The following SLC49A4 variants were observed in gnomAD, a reference collection of about 807,000 sequenced individuals.
The protein encoded by SLC49A4 is solute carrier family 49 member 4.
SLC49A4 carries 36 observed loss-of-function variants against 50.6 expected under a neutral mutation model. The observed-to-expected ratio is 0.71, with a 90% CI of 0.55 to 0.94. SLC49A4 has a LOEUF of 0.94. SLC49A4 is among the 40% of genes least tolerant of loss of function. The pLI is 0.00. For missense variants in SLC49A4, 503 were observed against 605.7 expected (o/e 0.83, Z 1.78); for synonymous variants, 248 against 241.2 (o/e 1.03, Z -0.26).
chr3:122,826,682 T>C, intron 2 of SLC49A4, 118 bp from the exon 3 acceptor site: 1 of 1,007,938 alleles, frequency 9.9e-7, no homozygotes, highest in Non-Finnish European at 1.5e-6. Context: ...CATGTCATAT[T>C]CTTTACAGAT....
intron 5 of SLC49A4, among the ~76,000 whole-genome samples, chr3:122,853,010 C>T (rs1009450744): frequency 4.6e-5 from 7 of 152,162 alleles, no homozygotes; most frequent in African/African-American, 1.7e-4. Context: ...ACCTAGTGTA[C>T]GTGTCTTAGT....
At chr3:122,829,610 C>T (rs1400257457) in intron 3 of SLC49A4, among the ~76,000 whole-genome samples, 1 of 152,110 alleles carries the variant, frequency 6.6e-6, no homozygotes, top group African/African-American at 2.4e-5. Context: ...AATGGCCGGA[C>T]ATGATGGCAC....
chr3:122,849,057 CA>C (rs1936891655), intron 5 of SLC49A4, among the ~76,000 whole-genome samples: 1 of 152,130 alleles, frequency 6.6e-6, no homozygotes. Context: ...TGAGAACGTG[CA>C]ATGTTTGTCT....
At chr3:122,825,608 T>C (rs1366681890) in intron 2 of SLC49A4, among the ~76,000 whole-genome samples, 1 of 151,404 alleles carries the variant, frequency 6.6e-6, no homozygotes, top group Non-Finnish European at 1.5e-5. Flanking sequence ...TTCAGCAAAC[T>C]TTTCTAACTG....
chr3:122,870,487 G>T (rs1438654657), intron 7 of SLC49A4, among the ~76,000 whole-genome samples: 1 of 151,598 alleles, frequency 6.6e-6, no homozygotes, highest in African/African-American at 2.4e-5. Flanking sequence ...GGGATTACAG[G>T]CATGAGCCAT....
intron 4 of SLC49A4, among the ~76,000 whole-genome samples, chr3:122,840,252 T>C (rs1211461821): frequency 1.3e-5 from 2 of 152,122 alleles, no homozygotes; most frequent in Admixed American, 1.3e-4. Flanking sequence ...TGGTGGAGAC[T>C]GAAGGGTAAC....
rs150739248 is a variant in SLC49A4 at position 122,828,710 on chromosome 3, G to T, written c.703+1645G>T. On this transcript the variant is annotated intron_variant, in intron 3 of 8. Coordinates refer to ENST00000261038, the MANE Select transcript of SLC49A4 (RefSeq NM_032839.3). ...AGAAGGATTAAAACTGAAAGCAAGG[G>T]TAGCAGCAGTATATAAAGCATTTCA... is the stretch of plus-strand genomic sequence containing the variant. 5.8e-3 allele frequency among the ~76,000 whole-genome samples: 876 copies of T among 152,186 alleles called. 9 individuals carry two copies. Among genetic ancestry groups the T allele is most frequent in the Non-Finnish European group, 9.7e-3 (661 of 68,014 alleles).
intron 2 of SLC49A4, among the ~76,000 whole-genome samples, chr3:122,822,910 C>G (rs765707704): frequency 6.6e-6 from 1 of 152,134 alleles, no homozygotes; most frequent in East Asian, 1.9e-4. Flanking sequence ...TATCCACCCC[C>G]TCTCCTTGCC....
At chr3:122,828,401 G>C (rs1936564406) in intron 3 of SLC49A4, among the ~76,000 whole-genome samples, 1 of 152,176 alleles carries the variant, frequency 6.6e-6, no homozygotes, top group African/African-American at 2.4e-5. Context: ...TGAGGAATGA[G>C]AGAACGATGG....
intron 5 of SLC49A4, among the ~76,000 whole-genome samples, chr3:122,855,247 G>A (rs902332553): frequency 1.3e-5 from 2 of 152,190 alleles, no homozygotes; most frequent in East Asian, 1.9e-4. Flanking sequence ...GCAGGGACAC[G>A]GAATGCTTAG....
chr3:122,795,458 A>G lies in SLC49A4; in HGVS notation c.266A>G (p.Asp89Gly), dbSNP rs776825844. 14 of 1,606,958 alleles carry G rather than the reference A, an allele frequency of 8.7e-6. No homozygotes were observed. Among genetic ancestry groups the G allele is most frequent in the Non-Finnish European group, 1.1e-5 (13 of 1,179,068 alleles). The change falls in exon 1 of 9, where the codon GAC becomes GGC. Residue 89 changes from aspartate to glycine, a missense_variant. Asp to Gly is a moderately conservative substitution (Grantham distance 94, BLOSUM62 -1). Coordinates refer to ENST00000261038, the MANE Select transcript of SLC49A4 (RefSeq NM_032839.3). ...ARQAYGFSSW[D>G]IALLVLWGPI... ...CAGGCCTACGGCTTCTCCAGCTGGG[A>G]CATCGCGCTGCTCGTGCTGTGGGGG...
intron 5 of SLC49A4, among the ~76,000 whole-genome samples, chr3:122,849,387 T>C (rs1208752156): frequency 1.3e-5 from 2 of 152,228 alleles, no homozygotes; most frequent in African/African-American, 4.8e-5. Flanking sequence ...TTTTTCGTTT[T>C]CTACGGAACC....
chr3:122,861,461 T>C (rs1490294749), intron 7 of SLC49A4, among the ~76,000 whole-genome samples: 1 of 152,216 alleles, frequency 6.6e-6, no homozygotes, highest in African/African-American at 2.4e-5. Context: ...ATTATAGGAT[T>C]ATTTGGTAGA....
chr3:122,800,493 GGTTTT>G (rs1184267110), intron 1 of SLC49A4, among the ~76,000 whole-genome samples: 2 of 152,214 alleles, frequency 1.3e-5, no homozygotes, highest in Non-Finnish European at 2.9e-5. Flanking sequence ...AGGAGGTTTA[GGTTTT>G]GTTTTGTTTT....
intron 7 of SLC49A4, among the ~76,000 whole-genome samples, chr3:122,870,056 G>C (rs1937178201): frequency 6.6e-6 from 1 of 152,114 alleles, no homozygotes; most frequent in Non-Finnish European, 1.5e-5. Flanking sequence ...TAACCAGATT[G>C]TGATTATTTT....
intron 2 of SLC49A4, among the ~76,000 whole-genome samples, chr3:122,826,565 A>G (rs1399956277): frequency 2.0e-5 from 3 of 152,224 alleles, no homozygotes; most frequent in Non-Finnish European, 4.4e-5. Flanking sequence ...CATAGGTCAC[A>G]GTAAATATTT....
At chr3:122,868,559 C>T (rs182588968) in intron 7 of SLC49A4, among the ~76,000 whole-genome samples, 1 of 152,326 alleles carries the variant, frequency 6.6e-6, no homozygotes, top group East Asian at 1.9e-4. Flanking sequence ...ACTGAAAACT[C>T]AAATGGAAGT....
intron 7 of SLC49A4, among the ~76,000 whole-genome samples, chr3:122,866,806 A>G (rs1230533145): frequency 2.0e-5 from 3 of 152,066 alleles, no homozygotes; most frequent in Non-Finnish European, 4.4e-5. Context: ...CCTATCATAG[A>G]TTGCTAGGGT....
At chr3:122,868,071 C>T (rs1020273892) in intron 7 of SLC49A4, among the ~76,000 whole-genome samples, 13 of 151,726 alleles carry the variant, frequency 8.6e-5, no homozygotes, top group East Asian at 1.9e-4. Flanking sequence ...GCCGAGATCA[C>T]GCCACTGCAC....
Sources: gnomAD v4.1 joint callset for allele counts (sites outside exome capture counted in the v4.1 genomes callset) on GRCh38, gnomAD v4.1.1 for gene constraint, MANE v1.5 for transcripts, NCBI Gene and HGNC (gene_info 2026-07-23, HGNC 2026-07-21) for gene names.